Variants in FAAH2 observed in about 807,000 individuals in gnomAD.
FAAH2 encodes the protein fatty acid amide hydrolase 2.
In FAAH2, 60 loss-of-function variants were observed where a neutral mutation model predicts 36.9. The ratio of observed to expected loss-of-function variants is 1.63; its 90% CI spans 1.32 to 2.02. The LOEUF (loss-of-function observed/expected upper bound fraction) is 2.02. Ranked by LOEUF, FAAH2 falls within the 30% of genes most tolerant of loss-of-function variation. The probability of loss-of-function intolerance (pLI) is 0.00; values close to 1 mark genes in which losing one functional copy is unlikely to be tolerated. For missense variants in FAAH2, 689 were observed against 397.5 expected (o/e 1.73, Z -6.23); for synonymous variants, 214 against 143.8 (o/e 1.49, Z -3.49).
At chrX:57,418,512 G>A (rs977549499) in intron 7 of FAAH2, among the ~76,000 whole-genome samples, 1 of 110,725 alleles carries the variant, frequency 9.0e-6, no homozygotes, top group Non-Finnish European at 1.9e-5. Context: ...TGCATCCCAG[G>A]TGAGGTGACA....
rs768207468 is a variant in FAAH2, at chrX:57,440,741, G to T, written c.1117-6187G>T. Among the ~76,000 whole-genome samples, 8 of 111,261 alleles carry T rather than the reference G, an allele frequency of 7.2e-5. No individual in the cohort carries two copies. In the Admixed American group the frequency reaches 7.7e-4, roughly 11 times the overall value. On this transcript the variant is annotated intron_variant, in intron 8 of 10. Coordinates refer to ENST00000374900, the MANE Select transcript of FAAH2 (RefSeq NM_174912.4). The stretch of plus-strand genomic sequence containing the variant: ...CAATATGACATTGGCTTTGGGTTTG[G>T]CATAAATAGTTCTTATTATTTTGAG...
chrX:57,135,654 G>A, the FAAH2 span: 5 of 1,044,677 alleles, frequency 4.8e-6, no homozygotes, highest in South Asian at 7.4e-5. Context: ...AGCATGTCAT[G>A]TATTCACAAA....
intron 7 of FAAH2, among the ~76,000 whole-genome samples, chrX:57,427,058 G>A (rs1431723600): frequency 3.6e-5 from 4 of 110,702 alleles, no homozygotes; most frequent in Non-Finnish European, 5.7e-5. Context: ...GAAAAAGGAG[G>A]CATTATAACT....
the FAAH2 span, among the ~76,000 whole-genome samples, chrX:57,269,027 A>T: frequency 1.8e-5 from 2 of 111,766 alleles, no homozygotes; most frequent in East Asian, 5.6e-4. Context: ...AGGCTCAAAT[A>T]AAAGGAGGAA....
chrX:57,249,071 T>A, the FAAH2 span, among the ~76,000 whole-genome samples: 1 of 111,251 alleles, frequency 9.0e-6, no homozygotes, highest in East Asian at 2.8e-4. Context: ...GTTATATATG[T>A]CATTTTACAA....
chrX:57,379,825 TTTGCA>T (rs1352307447), intron 6 of FAAH2, among the ~76,000 whole-genome samples: 1 of 108,735 alleles, frequency 9.2e-6, no homozygotes, highest in African/African-American at 3.3e-5. Context: ...TTTTTTTTTT[TTTGCA>T]TTTTTGCTAA....
chrX:57,477,824 C>A (rs1044115164), intron 10 of FAAH2, among the ~76,000 whole-genome samples: 6 of 111,265 alleles, frequency 5.4e-5, no homozygotes, highest in Non-Finnish European at 1.1e-4. Context: ...TGAACTCATC[C>A]TTTTGATGGC....
At chrX:57,369,716 A>G (rs2054505525) in intron 5 of FAAH2, among the ~76,000 whole-genome samples, 1 of 112,179 alleles carries the variant, frequency 8.9e-6, no homozygotes, top group Non-Finnish European at 1.9e-5. Context: ...TAAGGGAGTG[A>G]TTCAGCTGGA....
At chrX:57,340,934 A>G (rs1184913177) in intron 4 of FAAH2, among the ~76,000 whole-genome samples, 1 of 110,726 alleles carries the variant, frequency 9.0e-6, no homozygotes, top group Non-Finnish European at 1.9e-5. Context: ...CATCCTGCAC[A>G]TGAACCCCAG....
chrX:57,307,779 C>T (rs2052583001), intron 2 of FAAH2, among the ~76,000 whole-genome samples: 1 of 110,352 alleles, frequency 9.1e-6, no homozygotes, highest in African/African-American at 3.3e-5. Flanking sequence ...CAAAACTTTC[C>T]CTCGCTCACA....
the FAAH2 span, among the ~76,000 whole-genome samples, chrX:57,184,720 G>A: frequency 8.9e-6 from 1 of 111,914 alleles, no homozygotes; most frequent in African/African-American, 3.2e-5. Context: ...CTTTCAAAAG[G>A]GAAATGCTGA....
chrX:57,219,160 T>C, the FAAH2 span, among the ~76,000 whole-genome samples: 1 of 111,682 alleles, frequency 9.0e-6, no homozygotes, highest in East Asian at 2.8e-4. Context: ...ACTTCCTGTT[T>C]ACAGGAGACT....
At chrX:57,267,430 C>T in the FAAH2 span, among the ~76,000 whole-genome samples, 2 of 112,577 alleles carry the variant, frequency 1.8e-5, no homozygotes, top group African/African-American at 6.5e-5. Flanking sequence ...GCTTGTGGGG[C>T]ACAGAATAAG....
intron 7 of FAAH2, among the ~76,000 whole-genome samples, chrX:57,414,127 T>G (rs2055774839): frequency 1.8e-5 from 2 of 112,039 alleles, no homozygotes; most frequent in Admixed American, 9.5e-5. Context: ...CTATGGGCTC[T>G]TCTAAATATA....
At chrX:57,378,851 A>C in intron 6 of FAAH2, 65 bp downstream of exon 6, 1 of 1,123,416 alleles carries the variant, frequency 8.9e-7, no homozygotes, top group East Asian at 3.3e-5. Context: ...TTTGTTTATT[A>C]GTGTCATAGA....
the FAAH2 span, among the ~76,000 whole-genome samples, chrX:57,155,138 C>T: frequency 1.6e-4 from 18 of 111,959 alleles, no homozygotes; most frequent in East Asian, 3.7e-3. Flanking sequence ...TTGTTTGATG[C>T]ACTGGTTTTG....
the FAAH2 span, among the ~76,000 whole-genome samples, chrX:57,270,806 T>C: frequency 2.7e-5 from 3 of 111,743 alleles, no homozygotes; most frequent in African/African-American, 9.8e-5. Flanking sequence ...GATACTGAGC[T>C]TGTCCCTCAG....
chrX:57,377,919 G>A (rs1015718388), intron 5 of FAAH2, among the ~76,000 whole-genome samples: 11 of 111,681 alleles, frequency 9.8e-5, no homozygotes, highest in South Asian at 3.7e-4. Context: ...GTGAATGAGC[G>A]CTCACTCATG....
the FAAH2 span, among the ~76,000 whole-genome samples, chrX:57,165,422 C>T: frequency 9.0e-6 from 1 of 111,409 alleles, no homozygotes; most frequent in Admixed American, 9.6e-5. Context: ...TCATCATTCT[C>T]AGTAAACTAT....
Sources: gnomAD v4.1 joint callset for allele counts (sites outside exome capture counted in the v4.1 genomes callset) on GRCh38, gnomAD v4.1.1 for gene constraint, MANE v1.5 for transcripts, NCBI Gene and HGNC (gene_info 2026-07-23, HGNC 2026-07-21) for gene names.